Variants in ATP8A2 observed in about 807,000 individuals in gnomAD.
The protein encoded by ATP8A2 is phospholipid-transporting ATPase IB.
ATP8A2 carries 100 observed loss-of-function variants against 165.6 expected under a neutral mutation model. The observed-to-expected ratio is 0.60, with a 90% CI of 0.51 to 0.71. The LOEUF (loss-of-function observed/expected upper bound fraction) is 0.71, where lower values mean the gene tolerates loss of function less well. Among genes scored for constraint, ATP8A2 ranks in the 30% least tolerant of loss-of-function variants. ATP8A2 has a pLI of 0.00. For synonymous variants in ATP8A2, 543 were observed against 548.8 expected (o/e 0.99, Z 0.15); for missense variants, 1,227 against 1,479.5 (o/e 0.83, Z 2.80).
chr13:25,640,644 G>T (rs1159588469), intron 24 of ATP8A2, among the ~76,000 whole-genome samples: 1 of 152,186 alleles, frequency 6.6e-6, no homozygotes, highest in African/African-American at 2.4e-5. Flanking sequence ...TCCAGGAGCA[G>T]ATGGATTCAC....
intron 13 of ATP8A2, among the ~76,000 whole-genome samples, chr13:25,558,731 C>G (rs1395855502): frequency 2.0e-5 from 3 of 152,150 alleles, no homozygotes; most frequent in East Asian, 1.9e-4. Flanking sequence ...TCAGTCAGAG[C>G]TCTTATTGCA....
At chr13:25,548,618 G>A (rs193017037) in intron 10 of ATP8A2, among the ~76,000 whole-genome samples, 57 of 152,292 alleles carry the variant, frequency 3.7e-4, no homozygotes, top group African/African-American at 9.9e-4. Flanking sequence ...TGGATGTGTC[G>A]TCTCAGTTGA....
Position 25,954,163 on chromosome 13 carries a change from T to C in ATP8A2, c.3184-7412T>C, listed in dbSNP as rs140362544. ...GAAGTTGACCTGGGACACTCGAGCT[T>C]GGTTAGGGGAGGTGCGTCCACCATT... On this transcript the variant is annotated intron_variant, in intron 33 of 36. Transcript: ENST00000381655. Among the ~76,000 whole-genome samples, 365 of 152,308 alleles carry C rather than the reference T, an allele frequency of 2.4e-3. 2 individuals are homozygous for C. The highest frequency in any genetic ancestry group is 8.7e-3 in the African/African-American group (361 of 41,570).
chr13:25,732,725 C>A lies in ATP8A2; in HGVS notation c.2384+33380C>A, dbSNP rs115283506. On this transcript the variant is annotated intron_variant, in intron 25 of 36. Transcript: ENST00000381655. ...ATTCTGTGTTTTATGAGTCAGTCAG[C>A]CAGATCTCAAAGGGATAACAATTAG... Among the ~76,000 whole-genome samples, 862 of 152,098 alleles carry A rather than the reference C, an allele frequency of 5.7e-3. 10 individuals are homozygous for A. The highest frequency in any genetic ancestry group is 0.02 in the African/African-American group (831 of 41,482).
At chr13:25,519,064 T>C (rs879381820) in intron 2 of ATP8A2, among the ~76,000 whole-genome samples, 1 of 152,124 alleles carries the variant, frequency 6.6e-6, no homozygotes, top group African/African-American at 2.4e-5. Flanking sequence ...CACCTCCGTT[T>C]GCCCAAATTG....
At chr13:25,375,932 C>T (rs539687898) in intron 1 of ATP8A2, among the ~76,000 whole-genome samples, 16 of 152,228 alleles carry the variant, frequency 1.1e-4, no homozygotes, top group South Asian at 6.2e-4. Context: ...ACCCAACTCA[C>T]CCTGCCCTCT....
At chr13:25,881,822 G>T (rs1443227406) in intron 33 of ATP8A2, among the ~76,000 whole-genome samples, 2 of 152,098 alleles carry the variant, frequency 1.3e-5, no homozygotes, top group Admixed American at 6.6e-5. Context: ...TGAGTCTCAG[G>T]CCCCAGCCCA....
At chr13:25,807,755 T>G (rs1950773514) in intron 27 of ATP8A2, among the ~76,000 whole-genome samples, 2 of 152,210 alleles carry the variant, frequency 1.3e-5, no homozygotes. Context: ...TGTTTCTTTT[T>G]TTAACTCACT....
intron 1 of ATP8A2, among the ~76,000 whole-genome samples, chr13:25,412,209 A>G (rs7325060): frequency 0.049 from 7,508 of 152,210 alleles, 601 homozygotes; most frequent in African/African-American, 0.17. Flanking sequence ...ACAACTCTAT[A>G]TAGGGATGCT....
intron 33 of ATP8A2, among the ~76,000 whole-genome samples, chr13:25,940,012 C>T (rs759874230): frequency 6.6e-6 from 1 of 152,146 alleles, no homozygotes. Flanking sequence ...GGCTGCTCCA[C>T]GTTTGGCGAA....
In ATP8A2 at chr13:25,621,312, T is replaced by G. The variant is rs61009194; in HGVS notation, c.2211+31613T>G. Among the ~76,000 whole-genome samples, 107 of 152,322 alleles carry G rather than the reference T, an allele frequency of 7.0e-4. 2 individuals carry two copies. The East Asian group carries it at 0.014, about 19-fold the overall frequency. ...GTGTCAGATTTCATCATCTCTGGGC[T>G]GAGTGTTGGTGGAAACATTAGAGGA... On this transcript the variant is annotated intron_variant, in intron 24 of 36. Coordinates refer to ENST00000381655, the MANE Select transcript of ATP8A2 (RefSeq NM_016529.6).
intron 28 of ATP8A2, among the ~76,000 whole-genome samples, chr13:25,835,504 C>T (rs1314725897): frequency 6.6e-6 from 1 of 152,206 alleles, no homozygotes; most frequent in Non-Finnish European, 1.5e-5. Flanking sequence ...TCAGAATTCT[C>T]GTACAGACAC....
chr13:25,849,207 A>G (rs1951948624), intron 30 of ATP8A2, among the ~76,000 whole-genome samples: 1 of 152,178 alleles, frequency 6.6e-6, no homozygotes, highest in Non-Finnish European at 1.5e-5. Context: ...CTCCCTCCTG[A>G]GCCCTGCATG....
intron 26 of ATP8A2, among the ~76,000 whole-genome samples, chr13:25,773,525 A>G (rs1307295602): frequency 6.6e-6 from 1 of 152,124 alleles, no homozygotes; most frequent in Non-Finnish European, 1.5e-5. Context: ...CCTGAATGTT[A>G]CTGGATTATC....
rs182037699 is a variant in ATP8A2 at position 25,953,027 on chromosome 13, G to A, written c.3184-8548G>A. 6.6e-6 allele frequency among the ~76,000 whole-genome samples: 1 copy of A among 152,304 alleles called. No individual in the cohort carries two copies. Among genetic ancestry groups the A allele is most frequent in the East Asian group, 1.9e-4 (1 of 5,182 alleles). ...GAAATTTTAGGAGGCAACACTGAGGGGCAAGGAGGGCTGAGAAGAGAAGGT... is the reference window on the plus strand; with the variant it reads ...GAAATTTTAGGAGGCAACACTGAGGAGCAAGGAGGGCTGAGAAGAGAAGGT... On this transcript the variant is annotated intron_variant, in intron 33 of 36. Transcript: ENST00000381655. The surrounding 1 kb of genome is among the most constrained non-coding windows in gnomAD (Gnocchi z 6.7).
chr13:25,809,650 T>C (rs1001867107), intron 27 of ATP8A2, among the ~76,000 whole-genome samples: 4 of 152,086 alleles, frequency 2.6e-5, no homozygotes, highest in African/African-American at 7.2e-5. Context: ...TTTTGAAAGG[T>C]TGGTGGGTCT....
chr13:25,629,393 C>G (rs2041182656), intron 24 of ATP8A2, among the ~76,000 whole-genome samples: 1 of 152,102 alleles, frequency 6.6e-6, no homozygotes, highest in Admixed American at 6.6e-5. Context: ...AGTCTATTTT[C>G]TTGGTATGAA....
chr13:25,388,493 C>A (rs1021706451), intron 1 of ATP8A2, among the ~76,000 whole-genome samples: 16 of 152,122 alleles, frequency 1.1e-4, no homozygotes, highest in African/African-American at 3.9e-4. Flanking sequence ...GTGAGAGGAC[C>A]GTGATCGATT....
In ATP8A2 at chr13:25,630,816, A is replaced by T. The variant is rs1190453996; in HGVS notation, c.2211+41117A>T. Among the ~76,000 whole-genome samples, 4 of 152,094 alleles carry T rather than the reference A, an allele frequency of 2.6e-5. No individual in the cohort carries two copies. The East Asian group carries it at 7.8e-4, about 30-fold the overall frequency. On this transcript the variant is annotated intron_variant, in intron 24 of 36. Transcript: ENST00000381655. ...TCTGTTACTACTCTGGACATACCAAAGGCAACTGCATCATCTATTAAAAAA... is the reference window on the plus strand; with the variant it reads ...TCTGTTACTACTCTGGACATACCAATGGCAACTGCATCATCTATTAAAAAA...
Sources: allele counts gnomAD v4.1 joint callset (sites outside exome capture counted in the v4.1 genomes callset), GRCh38; gene constraint gnomAD v4.1.1; non-coding constraint Gnocchi (gnomAD v3.1); transcripts MANE v1.5; gene names NCBI Gene and HGNC (gene_info 2026-07-23, HGNC 2026-07-21).